Variants in DIAPH2 observed in about 807,000 individuals in gnomAD.
The protein encoded by DIAPH2 is protein diaphanous homolog 2.
In DIAPH2, 35 loss-of-function variants were observed where a neutral mutation model predicts 92.7. The ratio of observed to expected loss-of-function variants is 0.38; its 90% CI spans 0.29 to 0.50. DIAPH2 has a LOEUF of 0.50. Among genes scored for constraint, DIAPH2 ranks in the 20% least tolerant of loss-of-function variants. The probability of loss-of-function intolerance (pLI) is 0.94; values close to 1 mark genes in which losing one functional copy is unlikely to be tolerated. For missense variants in DIAPH2, 701 were observed against 819.5 expected (o/e 0.86, Z 1.77); for synonymous variants, 301 against 280.4 (o/e 1.07, Z -0.73).
chrX:96,933,932 T>C (rs2065639735), intron 10 of DIAPH2, among the ~76,000 whole-genome samples: 1 of 109,832 alleles, frequency 9.1e-6, no homozygotes. Context: ...TTACATTTTC[T>C]ATAGAGACAG....
intron 22 of DIAPH2, among the ~76,000 whole-genome samples, chrX:97,234,370 C>CTGGTGGTG (rs1158342951): frequency 9.2e-6 from 1 of 108,752 alleles, no homozygotes; most frequent in Non-Finnish European, 1.9e-5. Flanking sequence ...ATCCAGAGGC[C>CTGGTGGTG]TGGTGGTGTA....
At chrX:96,736,390 T>G (rs1407779300) in intron 2 of DIAPH2, among the ~76,000 whole-genome samples, 4 of 111,115 alleles carry the variant, frequency 3.6e-5, no homozygotes, top group Admixed American at 9.6e-5. Flanking sequence ...GGTATGTGGC[T>G]TAACTACATT....
intron 22 of DIAPH2, among the ~76,000 whole-genome samples, chrX:97,142,399 G>C (rs1025279356): frequency 4.5e-5 from 5 of 111,372 alleles, no homozygotes; most frequent in African/African-American, 1.6e-4. Flanking sequence ...AACAACATGA[G>C]CAAGGCAAAG....
intron 23 of DIAPH2, among the ~76,000 whole-genome samples, chrX:97,346,203 A>G (rs958520235): frequency 3.6e-5 from 4 of 111,726 alleles, no homozygotes; most frequent in African/African-American, 1.3e-4. Context: ...TCACTTGGAA[A>G]TTAGTTGGAA....
At chrX:96,771,530 A>G (rs772741302) in intron 4 of DIAPH2, among the ~76,000 whole-genome samples, 1 of 111,612 alleles carries the variant, frequency 9.0e-6, no homozygotes, top group Non-Finnish European at 1.9e-5. Context: ...AGGTAATTAT[A>G]TGATGTCTTT....
rs775211484 is a variant in DIAPH2 at position 96,748,879 on chromosome X, T to G, written c.343-9275T>G. Among the ~76,000 whole-genome samples, 3 of 111,172 alleles carry G rather than the reference T, an allele frequency of 2.7e-5. No homozygotes were observed. In the Admixed American group the frequency reaches 2.9e-4, roughly 11 times the overall value. On this transcript the variant is annotated intron_variant, in intron 3 of 26. Coordinates refer to ENST00000324765, the MANE Select transcript of DIAPH2 (RefSeq NM_006729.5). The stretch of plus-strand genomic sequence containing the variant: ...TTTAAATTGTTACCCAAAAAAAGAC[T>G]GTTTCAGGGCACATGAAAGTTATAT...
intron 26 of DIAPH2, among the ~76,000 whole-genome samples, chrX:97,446,410 T>G (rs2070311038): frequency 8.9e-6 from 1 of 111,955 alleles, no homozygotes; most frequent in African/African-American, 3.2e-5. Flanking sequence ...TCTCTCCAAA[T>G]TCAGTCAAAA....
chrX:96,752,100 G>A (rs1227082339), intron 3 of DIAPH2, among the ~76,000 whole-genome samples: 1 of 111,461 alleles, frequency 9.0e-6, no homozygotes, highest in Non-Finnish European at 1.9e-5. Flanking sequence ...ATTCAATTAC[G>A]CTGTTTAGAG....
At chrX:96,851,305 G>A (rs1025265012) in intron 4 of DIAPH2, among the ~76,000 whole-genome samples, 4 of 111,216 alleles carry the variant, frequency 3.6e-5, no homozygotes, top group African/African-American at 9.8e-5. Flanking sequence ...GTTGCGTCAC[G>A]TTGCCCAGGC....
At chrX:97,192,348 A>C (rs761299035) in intron 22 of DIAPH2, among the ~76,000 whole-genome samples, 43 of 110,348 alleles carry the variant, frequency 3.9e-4, no homozygotes, top group Middle Eastern at 4.7e-3. Context: ...TCAAAAGTAG[A>C]AGTTCTCTTT....
chrX:97,416,837 G>T (rs1325443557), intron 25 of DIAPH2, among the ~76,000 whole-genome samples: 1 of 112,118 alleles, frequency 8.9e-6, no homozygotes, highest in African/African-American at 3.2e-5. Flanking sequence ...TATAGCAGTA[G>T]CCAATTAAGT....
At chrX:96,833,920 A>T (rs762655068) in intron 4 of DIAPH2, among the ~76,000 whole-genome samples, 4 of 111,124 alleles carry the variant, frequency 3.6e-5, no homozygotes, top group African/African-American at 1.3e-4. Context: ...CGCTCTCCCA[A>T]AGTGCTGGGA....
chrX:97,009,451 A>T (rs1569278258), intron 17 of DIAPH2, among the ~76,000 whole-genome samples: 1 of 111,862 alleles, frequency 8.9e-6, no homozygotes, highest in Non-Finnish European at 1.9e-5. Context: ...AGCTATGAGG[A>T]AATTCACCCT....
At chrX:96,908,623 G>C (rs982812573) in intron 5 of DIAPH2, among the ~76,000 whole-genome samples, 2 of 109,954 alleles carry the variant, frequency 1.8e-5, no homozygotes, top group Non-Finnish European at 3.8e-5. Context: ...TTTTGAGACC[G>C]AGTCTTGCTC....
At chrX:97,137,265 T>TTATA (rs748631722) in intron 21 of DIAPH2, among the ~76,000 whole-genome samples, 2 of 30,078 alleles carry the variant, frequency 6.6e-5, no homozygotes, top group East Asian at 2.4e-3. Flanking sequence ...ATAAACGCAG[T>TTATA]TATACATATA....
rs746585844 is a variant in DIAPH2, at chrX:96,919,193, G to A, written c.978+576G>A. ...ATTTTATGAATAGCTCTGTTCTTGAGGGATGAGAATGCATATTTATTGGCT... is the reference window on the plus strand; with the variant it reads ...ATTTTATGAATAGCTCTGTTCTTGAAGGATGAGAATGCATATTTATTGGCT... On this transcript the variant is annotated intron_variant, in intron 9 of 26. Coordinates refer to ENST00000324765, the MANE Select transcript of DIAPH2 (RefSeq NM_006729.5). Among the ~76,000 whole-genome samples the A allele has an allele frequency of 9.8e-5, 11 of 112,408 alleles. No homozygotes were observed. The South Asian group carries it at 3.7e-3, about 38-fold the overall frequency.
intron 20 of DIAPH2, among the ~76,000 whole-genome samples, chrX:97,104,446 T>A (rs2066925678): frequency 9.1e-6 from 1 of 110,200 alleles, no homozygotes. Flanking sequence ...TGGAGTGCAG[T>A]GGCGAGATCA....
chrX:97,536,526 A>G (rs1254920201), intron 26 of DIAPH2, among the ~76,000 whole-genome samples: 1 of 112,324 alleles, frequency 8.9e-6, no homozygotes, highest in Non-Finnish European at 1.9e-5. Context: ...AATACACATA[A>G]CAATTTCATA....
intron 1 of DIAPH2, chrX:96,701,583 CAAT>C (rs1358792005): frequency 1.8e-5 from 2 of 110,208 alleles, no homozygotes; most frequent in African/African-American, 6.6e-5. Context: ...TGACTGTGAA[CAAT>C]CATTCGAGAT....
Sources: allele counts gnomAD v4.1 joint callset (sites outside exome capture counted in the v4.1 genomes callset), GRCh38; gene constraint gnomAD v4.1.1; transcripts MANE v1.5; gene names NCBI Gene and HGNC (gene_info 2026-07-23, HGNC 2026-07-21).